Variants in DNAJB13 observed in about 807,000 individuals in gnomAD.
The protein encoded by DNAJB13 is dnaJ homolog subfamily B member 13.
In DNAJB13, 22 loss-of-function variants were observed where a neutral mutation model predicts 35.6. That is an observed-to-expected ratio of 0.62 (90% CI 0.44 to 0.88). DNAJB13 has a LOEUF of 0.88. DNAJB13 is among the 40% of genes least tolerant of loss of function. The pLI is 0.00. For synonymous variants in DNAJB13, 136 were observed against 144.2 expected, an observed-to-expected ratio of 0.94 and a Z score of 0.41; for missense variants, 370 against 384.3, an observed-to-expected ratio of 0.96 and a Z score of 0.31.
At position 73,968,174 on chromosome 11, in the gene DNAJB13, G is replaced by C. The variant is rs2306817; in HGVS notation, c.607-171G>C. 178,282 of 621,918 alleles carry C rather than the reference G, an allele frequency of 0.29. 26,626 individuals carry two copies. Among genetic ancestry groups the C allele is most frequent in the Admixed American group, 0.36 (13,035 of 35,916 alleles). 38.5% of individuals were successfully genotyped at this position (621,918 alleles called of 1,614,324 possible). A position where few individuals can be genotyped will look rare whatever the true frequency, so the allele number is the denominator to read the frequency against. On this transcript the variant is annotated intron_variant, in intron 5 of 7. Coordinates refer to ENST00000339764, the MANE Select transcript of DNAJB13 (RefSeq NM_153614.4). ...GGGGATTCATTTGGGTAAGCTTCTC[G>C]GGCTTCTAATCCATCTGGGCTATGG...
intron 3 of DNAJB13, 72 bp downstream of exon 3, chr11:73,959,727 A>G: frequency 7.3e-7 from 1 of 1,376,730 alleles, no homozygotes; most frequent in Non-Finnish European, 9.6e-7. Flanking sequence ...TTCGTTGAGT[A>G]GTTTTGTTTT....
At chr11:73,959,201 A>G (rs1210044944) in intron 2 of DNAJB13, among the ~76,000 whole-genome samples, 1 of 152,168 alleles carries the variant, frequency 6.6e-6, no homozygotes, top group Non-Finnish European at 1.5e-5. Context: ...TCCCAGGGCC[A>G]TTGCCTGAGC....
intron 4 of DNAJB13, chr11:73,965,410 A>G (rs771557246): frequency 5.7e-6 from 1 of 175,540 alleles, no homozygotes; most frequent in Non-Finnish European, 1.2e-5. Flanking sequence ...ATCAGGGTGC[A>G]TGCCTCGTGC....
At chr11:73,967,355 G>A (rs1951146634) in intron 5 of DNAJB13, among the ~76,000 whole-genome samples, 1 of 152,142 alleles carries the variant, frequency 6.6e-6, no homozygotes, top group African/African-American at 2.4e-5. Context: ...TATTGTCCAA[G>A]GCGTGCTGAA....
chr11:73,964,812 T>TGTGTGTGA, intron 3 of DNAJB13, 66 bp from the exon 4 acceptor site: 2 of 696,398 alleles, frequency 2.9e-6, no homozygotes, highest in Non-Finnish European at 2.2e-6. Context: ...TGTGTGTGTG[T>TGTGTGTGA]GCGCGCGCGC....
At chr11:73,951,159 G>A (rs1435927079) in intron 1 of DNAJB13, 22 bp downstream of exon 1, 1 of 1,613,722 alleles carries the variant, frequency 6.2e-7, no homozygotes, top group Non-Finnish European at 8.5e-7. Context: ...TGGGAGCCAG[G>A]CCTTAGGGGT....
At chr11:73,954,689 C>A (rs1346900318) in intron 1 of DNAJB13, among the ~76,000 whole-genome samples, 1 of 151,592 alleles carries the variant, frequency 6.6e-6, no homozygotes, top group African/African-American at 2.4e-5. Flanking sequence ...GGCACGGTGG[C>A]TCATGCCTGT....
At chr11:73,954,078 A>G (rs890438132) in intron 1 of DNAJB13, among the ~76,000 whole-genome samples, 18 of 150,598 alleles carry the variant, frequency 1.2e-4, no homozygotes, top group African/African-American at 1.5e-4. Flanking sequence ...TAATCCTAGC[A>G]CTTTGGGAGG....
chr11:73,964,802 T>TGCGC (rs780270375), intron 3 of DNAJB13, 76 bp from the exon 4 acceptor site: 21 of 774,436 alleles, frequency 2.7e-5, no homozygotes, highest in Admixed American at 7.0e-5. Flanking sequence ...TGTGTGTGTG[T>TGCGC]GTGTGTGTGT....
intron 1 of DNAJB13, among the ~76,000 whole-genome samples, chr11:73,951,762 T>C (rs189248593): frequency 6.6e-6 from 1 of 152,292 alleles, no homozygotes; most frequent in East Asian, 1.9e-4. Flanking sequence ...TTCTTCTGCC[T>C]CAGCTTCCCA....
intron 4 of DNAJB13, 31 bp downstream of exon 4, chr11:73,965,066 C>A (rs775585424): frequency 5.5e-5 from 85 of 1,532,062 alleles, no homozygotes; most frequent in South Asian, 2.3e-4. Flanking sequence ...TCCCGGGAGC[C>A]ACCTATCTCC....
intron 1 of DNAJB13, among the ~76,000 whole-genome samples, chr11:73,954,394 G>T (rs1431603679): frequency 6.6e-6 from 1 of 151,736 alleles, no homozygotes; most frequent in Admixed American, 6.6e-5. Context: ...ACTTTGGGAG[G>T]CTGAGGCGGG....
chr11:73,963,631 T>C (rs1483693213), intron 3 of DNAJB13: 4 of 152,258 alleles, frequency 2.6e-5, no homozygotes, highest in Non-Finnish European at 5.9e-5. Flanking sequence ...TACTGCCTGG[T>C]ACACTGTAGG....
At chr11:73,966,285 C>T (rs541371552) in intron 5 of DNAJB13, 34 bp downstream of exon 5, 2 of 1,587,236 alleles carry the variant, frequency 1.3e-6, no homozygotes, top group Admixed American at 3.5e-5. Flanking sequence ...AGGTCAGTCA[C>T]TGAGCTCAGG....
intron 5 of DNAJB13, among the ~76,000 whole-genome samples, chr11:73,966,941 C>T (rs1180724505): frequency 6.6e-6 from 1 of 151,504 alleles, no homozygotes; most frequent in East Asian, 1.9e-4. Context: ...CAAACTCCGC[C>T]TCCCGGGTTC....
In DNAJB13 at chr11:73,970,215, T is replaced by A; in HGVS notation, c.*101T>A. ...TGTGCAGGGGAGCCTGCTGCACAGA[T>A]ATGATACAAGGGTGGGATGGCGCAG... On this transcript the variant is annotated 3_prime_UTR_variant, in exon 8 of 8. Transcript: ENST00000339764. 1 of 1,432,706 alleles carries A rather than the reference T, an allele frequency of 7.0e-7. No individual in the cohort carries two copies. 88.7% of individuals were successfully genotyped at this position (1,432,706 alleles called of 1,614,324 possible).
chr11:73,958,549 C>G (rs1950827251), intron 2 of DNAJB13, 129 bp downstream of exon 2: 2 of 867,100 alleles, frequency 2.3e-6, no homozygotes, highest in Non-Finnish European at 3.6e-6. Context: ...TCTAGACACA[C>G]AGAGAAGACA....
At chr11:73,958,292 C>T (rs763216106) in intron 1 of DNAJB13, 25 bp from the exon 2 acceptor site, 17 of 1,611,146 alleles carry the variant, frequency 1.1e-5, no homozygotes, top group Middle Eastern at 3.3e-4. Context: ...GCTGATAAGA[C>T]TTGTATTAAT....
chr11:73,968,405 T>G lies in DNAJB13; in HGVS notation c.667T>G (p.Phe223Val). ...FIVKEKLHPR[F>V]RRENDNLFFV... is the part of the protein sequence containing the mutation. ...CGTAAAGGAGAAGCTACACCCTCGC[T>G]TCCGCAGGGAGAATGACAACCTCTT... The change falls in exon 6 of 8, where the codon TTC becomes GTC. Residue 223 changes from phenylalanine to valine, a missense_variant. Coordinates refer to ENST00000339764, the MANE Select transcript of DNAJB13 (RefSeq NM_153614.4). The G allele has an allele frequency of 6.2e-7, 1 of 1,614,116 alleles. No homozygotes were observed. The highest frequency in any genetic ancestry group is 1.7e-5 in the Admixed American group (1 of 60,024).
Sources: allele counts gnomAD v4.1 joint callset (sites outside exome capture counted in the v4.1 genomes callset), GRCh38; gene constraint gnomAD v4.1.1; transcripts MANE v1.5; gene names NCBI Gene and HGNC (gene_info 2026-07-23, HGNC 2026-07-21).